The following STXBP4 variants were observed in gnomAD, a reference collection of about 807,000 sequenced individuals.
The protein encoded by STXBP4 is syntaxin-binding protein 4.
In STXBP4, 55 loss-of-function variants were observed where a neutral mutation model predicts 76.1. The observed-to-expected ratio is 0.72, with a 90% confidence interval of 0.58 to 0.91. STXBP4 has a LOEUF of 0.91. STXBP4 is among the 40% of genes least tolerant of loss of function. The probability of loss-of-function intolerance (pLI) is 0.00; values close to 1 mark genes in which losing one functional copy is unlikely to be tolerated. For synonymous variants in STXBP4, 201 were observed against 220.2 expected (o/e 0.91, Z 0.77); for missense variants, 618 against 636.9 (o/e 0.97, Z 0.32).
chr17:55,004,769 G>T (rs762167844), intron 7 of STXBP4, among the ~76,000 whole-genome samples: 1 of 151,776 alleles, frequency 6.6e-6, no homozygotes, highest in Non-Finnish European at 1.5e-5. Flanking sequence ...AGAAGGAGAC[G>T]GAGGGAGAAG....
At chr17:55,181,096 A>T in the STXBP4 span, among the ~76,000 whole-genome samples, 3 of 152,182 alleles carry the variant, frequency 2.0e-5, no homozygotes, top group Admixed American at 2.0e-4. Flanking sequence ...CTAGCAACCT[A>T]TGCTTCTTAA....
At chr17:55,072,826 G>A in intron 12 of STXBP4, 74 bp from the exon 13 acceptor site, 1 of 1,311,192 alleles carries the variant, frequency 7.6e-7, no homozygotes. Context: ...TCCAGAGCAA[G>A]GAAAATATTT....
chr17:55,067,363 G>A (rs1201525713), intron 12 of STXBP4, among the ~76,000 whole-genome samples: 1 of 152,148 alleles, frequency 6.6e-6, no homozygotes, highest in Non-Finnish European at 1.5e-5. Context: ...AACAGATAAG[G>A]TGAAATCTGA....
chr17:55,014,374 A>G (rs542812944), intron 8 of STXBP4, among the ~76,000 whole-genome samples: 1 of 152,220 alleles, frequency 6.6e-6, no homozygotes, highest in South Asian at 2.1e-4. Flanking sequence ...CTCCCTAACA[A>G]GGGAGTGGGG....
At chr17:55,095,381 C>T (rs138237467) in intron 16 of STXBP4, among the ~76,000 whole-genome samples, 20 of 152,268 alleles carry the variant, frequency 1.3e-4, no homozygotes, top group African/African-American at 4.8e-4. Context: ...CAGAAAGAAA[C>T]ATCCTCCCGC....
intron 8 of STXBP4, among the ~76,000 whole-genome samples, chr17:55,022,235 T>C (rs960165126): frequency 3.2e-4 from 48 of 152,278 alleles, no homozygotes; most frequent in African/African-American, 1.1e-3. Context: ...TCTTTCTAGA[T>C]TATTTGAATT....
At chr17:55,157,338 C>A (rs1375352839) in intron 17 of STXBP4, among the ~76,000 whole-genome samples, 1 of 152,150 alleles carries the variant, frequency 6.6e-6, no homozygotes, top group Non-Finnish European at 1.5e-5. Flanking sequence ...AGTGGCATTC[C>A]AGCCCTCTCA....
the STXBP4 span, among the ~76,000 whole-genome samples, chr17:55,185,830 A>C: frequency 2.0e-5 from 3 of 152,224 alleles, no homozygotes; most frequent in Non-Finnish European, 4.4e-5. Flanking sequence ...ACAGGAGGTC[A>C]TAATCTGGAG....
chr17:55,050,153 C>T (rs1005016077), intron 12 of STXBP4, among the ~76,000 whole-genome samples: 4 of 151,634 alleles, frequency 2.6e-5, no homozygotes, highest in Non-Finnish European at 5.9e-5. Context: ...TCTGGAATAC[C>T]CTAGAGAGTG....
At chr17:55,185,818 T>C in the STXBP4 span, among the ~76,000 whole-genome samples, 1 of 152,136 alleles carries the variant, frequency 6.6e-6, no homozygotes, top group Non-Finnish European at 1.5e-5. Context: ...GACCCAAGCC[T>C]TACAGGAGGT....
chr17:55,045,749 A>G (rs546050402), intron 11 of STXBP4, among the ~76,000 whole-genome samples: 1 of 152,216 alleles, frequency 6.6e-6, no homozygotes, highest in South Asian at 2.1e-4. Context: ...TCCAGATAAA[A>G]CAAATTTTAC....
At chr17:55,024,405 A>T (rs1001629020) in intron 8 of STXBP4, among the ~76,000 whole-genome samples, 2 of 152,168 alleles carry the variant, frequency 1.3e-5, no homozygotes, top group Admixed American at 1.3e-4. Flanking sequence ...CATGTTCTTT[A>T]ATAAAGAGCC....
At chr17:55,187,484 A>C in the STXBP4 span, among the ~76,000 whole-genome samples, 1 of 152,078 alleles carries the variant, frequency 6.6e-6, no homozygotes, top group Admixed American at 6.5e-5. Context: ...TTAGAATGCC[A>C]AAGATCATGA....
chr17:55,177,988 C>T (rs923827003), downstream of STXBP4, among the ~76,000 whole-genome samples: 8 of 152,280 alleles, frequency 5.3e-5, no homozygotes, highest in South Asian at 2.1e-4. Context: ...CAAATGTGTG[C>T]GTCCTCCCTC....
intron 8 of STXBP4, among the ~76,000 whole-genome samples, chr17:55,027,194 G>T (rs940526215): frequency 6.6e-6 from 1 of 152,084 alleles, no homozygotes; most frequent in African/African-American, 2.4e-5. Context: ...AACCCCACAG[G>T]GGCCACTGCT....
intron 16 of STXBP4, among the ~76,000 whole-genome samples, chr17:55,131,058 T>C (rs1452766069): frequency 6.6e-6 from 1 of 152,202 alleles, no homozygotes; most frequent in African/African-American, 2.4e-5. Context: ...CTGGATCATA[T>C]AGTAATTTTA....
At chr17:55,125,965 C>A (rs969901532) in intron 16 of STXBP4, among the ~76,000 whole-genome samples, 6 of 152,028 alleles carry the variant, frequency 3.9e-5, no homozygotes, top group African/African-American at 1.5e-4. Context: ...GGGTCTGACC[C>A]CAAACTACAC....
At chr17:55,184,926 C>T in the STXBP4 span, among the ~76,000 whole-genome samples, 1 of 152,088 alleles carries the variant, frequency 6.6e-6, no homozygotes, top group South Asian at 2.1e-4. Context: ...AGGCTGAGTG[C>T]CGTGGTACCA....
intron 12 of STXBP4, among the ~76,000 whole-genome samples, chr17:55,058,071 G>T (rs1397065802): frequency 6.6e-6 from 1 of 152,172 alleles, no homozygotes; most frequent in Non-Finnish European, 1.5e-5. Context: ...TATATACCCA[G>T]TAAGAGGATT....
Sources: allele counts gnomAD v4.1 joint callset (sites outside exome capture counted in the v4.1 genomes callset), GRCh38; gene constraint gnomAD v4.1.1; transcripts MANE v1.5; gene names NCBI Gene and HGNC (gene_info 2026-07-23, HGNC 2026-07-21).